Variants in KCNB2 observed in about 807,000 individuals in gnomAD.
KCNB2 encodes the protein delayed rectifier potassium channel protein.
Under a neutral mutation model 61.5 loss-of-function variants are expected in KCNB2, and 15 were observed. The ratio of observed to expected loss-of-function variants is 0.24; its 90% CI spans 0.16 to 0.38. The LOEUF (loss-of-function observed/expected upper bound fraction) is 0.38. KCNB2 is among the 10% of genes least tolerant of loss of function. The pLI is 1.00. For missense variants in KCNB2, 828 were observed against 1,125.2 expected (o/e 0.74, Z 3.78); for synonymous variants, 457 against 446.0 (o/e 1.02, Z -0.31).
intron 2 of KCNB2, among the ~76,000 whole-genome samples, chr8:72,916,508 A>C (rs939135668): frequency 2.6e-5 from 4 of 152,200 alleles, no homozygotes; most frequent in African/African-American, 9.6e-5. Flanking sequence ...TGGTGTCTGT[A>C]ACCCCTGAAG....
chr8:72,827,436 C>T (rs889468939), intron 2 of KCNB2, among the ~76,000 whole-genome samples: 8 of 151,960 alleles, frequency 5.3e-5, no homozygotes, highest in African/African-American at 1.9e-4. Context: ...TTAGCCATGA[C>T]CTTTAAAAAA....
intron 2 of KCNB2, among the ~76,000 whole-genome samples, chr8:72,845,778 T>C (rs7813308): frequency 0.85 from 129,692 of 152,072 alleles, 56,274 homozygotes; most frequent in Middle Eastern, 0.97. Flanking sequence ...TAATGGCAGA[T>C]GCCCCTCCCC....
At chr8:72,821,641 C>CAAAAAAAAAAAAAAAAAAAA (rs61090576) in intron 2 of KCNB2, among the ~76,000 whole-genome samples, 1 of 125,752 alleles carries the variant, frequency 8.0e-6, no homozygotes. Flanking sequence ...CAAAAAAAAA[C>CAAAAAAAAAAAAAAAAAAAA]AAAAAAAAAA....
chr8:72,768,706 T>C (rs1808502534), intron 2 of KCNB2, among the ~76,000 whole-genome samples: 1 of 152,190 alleles, frequency 6.6e-6, no homozygotes, highest in Non-Finnish European at 1.5e-5. Context: ...CTCACACTTA[T>C]TCTATGATTG....
intron 1 of KCNB2, among the ~76,000 whole-genome samples, chr8:72,564,983 AATC>A (rs1806601779): frequency 1.3e-5 from 2 of 152,196 alleles, no homozygotes; most frequent in African/African-American, 2.4e-5. Flanking sequence ...AATCTCATCT[AATC>A]ATCATAATAC....
chr8:72,641,798 G>A (rs925546009), intron 2 of KCNB2, among the ~76,000 whole-genome samples: 2 of 152,084 alleles, frequency 1.3e-5, no homozygotes, highest in African/African-American at 4.8e-5. Flanking sequence ...TAGGCTAGTC[G>A]TGAGGATCAA....
At chr8:72,542,995 A>G (rs911258441) in intron 1 of KCNB2, among the ~76,000 whole-genome samples, 20 of 152,306 alleles carry the variant, frequency 1.3e-4, no homozygotes, top group Non-Finnish European at 1.5e-4. Context: ...TGGCAATTCA[A>G]CGGAGTAGTT....
intron 2 of KCNB2, among the ~76,000 whole-genome samples, chr8:72,764,423 G>A (rs1225893337): frequency 1.3e-5 from 2 of 152,150 alleles, no homozygotes; most frequent in African/African-American, 2.4e-5. Context: ...GACCCTAGGG[G>A]TTGGAAGAGC....
intron 1 of KCNB2, among the ~76,000 whole-genome samples, chr8:72,559,435 G>A (rs349344): frequency 0.11 from 16,327 of 152,082 alleles, 1,006 homozygotes; most frequent in East Asian, 0.28. Flanking sequence ...GTGAGCCACC[G>A]CACCCGGCCA....
chr8:72,779,791 GAAT>G (rs1808723819), intron 2 of KCNB2, among the ~76,000 whole-genome samples: 1 of 152,162 alleles, frequency 6.6e-6, no homozygotes, highest in Non-Finnish European at 1.5e-5. Context: ...TAAGTCAGCT[GAAT>G]ATTATTCTCA....
At chr8:72,860,041 A>C (rs1007755865) in intron 2 of KCNB2, among the ~76,000 whole-genome samples, 5 of 152,256 alleles carry the variant, frequency 3.3e-5, no homozygotes, top group South Asian at 2.1e-4. Context: ...TATTGCAAGC[A>C]ATATGCCATT....
intron 1 of KCNB2, among the ~76,000 whole-genome samples, chr8:72,561,727 A>ATATATATATATATGTG (rs1189336093): frequency 2.8e-5 from 1 of 35,264 alleles, no homozygotes; most frequent in African/African-American, 7.6e-5. Flanking sequence ...ATATATATAT[A>ATATATATATATATGTG]TCTATATCTA....
intron 2 of KCNB2, among the ~76,000 whole-genome samples, chr8:72,844,990 A>G (rs1000485087): frequency 6.6e-6 from 1 of 152,078 alleles, no homozygotes; most frequent in Admixed American, 6.6e-5. Context: ...GCTGGTGAGG[A>G]GTTGTGATCT....
intron 2 of KCNB2, among the ~76,000 whole-genome samples, chr8:72,833,022 G>A (rs1054192532): frequency 6.6e-6 from 1 of 152,136 alleles, no homozygotes; most frequent in African/African-American, 2.4e-5. Flanking sequence ...TTTCCCAATA[G>A]TAAGTAAAAG....
intron 2 of KCNB2, among the ~76,000 whole-genome samples, chr8:72,899,668 TA>T (rs71267919): frequency 0.33 from 50,745 of 151,794 alleles, 9,037 homozygotes; most frequent in African/African-American, 0.45. Flanking sequence ...TATAGCTAAC[TA>T]AAGGAGGTGA....
At chr8:72,581,870 G>A (rs1347931121) in intron 2 of KCNB2, among the ~76,000 whole-genome samples, 3 of 152,194 alleles carry the variant, frequency 2.0e-5, no homozygotes, top group African/African-American at 7.2e-5. Flanking sequence ...TTTGGTTATC[G>A]GAACTGTGGG....
At chr8:72,807,452 G>T (rs1252304241) in intron 2 of KCNB2, among the ~76,000 whole-genome samples, 1 of 152,162 alleles carries the variant, frequency 6.6e-6, no homozygotes, top group African/African-American at 2.4e-5. Context: ...CTTGTTGATG[G>T]CTTCTGAAAG....
At chr8:72,916,441 C>T (rs1035873858) in intron 2 of KCNB2, among the ~76,000 whole-genome samples, 1 of 152,090 alleles carries the variant, frequency 6.6e-6, no homozygotes, top group African/African-American at 2.4e-5. Flanking sequence ...AGGGTGAGAG[C>T]TTTTAGGCAC....
intron 2 of KCNB2, among the ~76,000 whole-genome samples, chr8:72,629,271 C>T (rs1805842036): frequency 6.6e-6 from 1 of 152,152 alleles, no homozygotes; most frequent in African/African-American, 2.4e-5. Context: ...TGTCTGGTAA[C>T]TCCTGATTGA....
Sources: gnomAD v4.1 joint callset for allele counts (sites outside exome capture counted in the v4.1 genomes callset) on GRCh38, gnomAD v4.1.1 for gene constraint, MANE v1.5 for transcripts, NCBI Gene and HGNC (gene_info 2026-07-23, HGNC 2026-07-21) for gene names.